The following KRTCAP2 variants were observed in gnomAD, a reference collection of about 807,000 sequenced individuals.
KRTCAP2 encodes the protein dolichyl-diphosphooligosaccharide--protein glycosyltransferase subunit KCP2.
A neutral mutation model predicts 16.5 loss-of-function variants in KRTCAP2; 10 were observed. The observed-to-expected ratio is 0.60, with a 90% CI of 0.37 to 1.02. The LOEUF is 1.02. Among genes scored for constraint, KRTCAP2 ranks in the 50% least tolerant of loss-of-function variants. The pLI, the probability that KRTCAP2 is intolerant of heterozygous loss-of-function variation, is 0.01. For missense variants in KRTCAP2, 152 were observed against 159.6 expected, an observed-to-expected ratio of 0.95 and a Z score of 0.26; for synonymous variants, 68 against 69.8, an observed-to-expected ratio of 0.97 and a Z score of 0.13.
At position 155,169,513 on chromosome 1, in the gene KRTCAP2, G is replaced by C. The variant is rs745987678; in HGVS notation, c.338C>G (p.Ser113Cys). The change falls in exon 5 of 5, where the codon TCC becomes TGC. Residue 113 changes from serine to cysteine, a missense_variant. By Grantham distance (112) the Ser-to-Cys change is moderately radical. Coordinates refer to ENST00000295682, the MANE Select transcript of KRTCAP2 (RefSeq NM_173852.4). ...TGGAGCTGCTGCCTGGTACAGGGTG[G>C]AGGAGATCTTGTTGATGTAGTACAG... ...VGLYYINKIS[S>C]TLYQAAAPVL... is the part of the protein sequence containing the mutation. The C allele has an allele frequency of 6.2e-7, 1 of 1,614,104 alleles. No homozygotes were observed. The highest frequency in any genetic ancestry group is 1.1e-5 in the South Asian group (1 of 91,082).
chr1:155,169,873 G>C lies in KRTCAP2; in HGVS notation c.224-16C>G. On this transcript the variant is annotated splice_polypyrimidine_tract_variant and intron_variant, in intron 3 of 4. Transcript: ENST00000295682. ...CACAGGAGAACTAGGGAGGCAAGAA[G>C]AACAAGGAGGGCAACGGTCAGAATG... is the stretch of plus-strand genomic sequence containing the variant. The C allele has an allele frequency of 6.4e-7, 1 of 1,554,334 alleles. No homozygotes were observed. The highest frequency in any genetic ancestry group is 8.8e-7 in the Non-Finnish European group (1 of 1,139,424).
At position 155,172,888 on chromosome 1, in the gene KRTCAP2, C is replaced by A. The variant is rs1307940513; in HGVS notation, c.9G>T (p.Val3=). 1 of 1,613,934 alleles carries A rather than the reference C, an allele frequency of 6.2e-7. No individual in the cohort carries two copies. Among genetic ancestry groups the A allele is most frequent in the African/African-American group, 1.3e-5 (1 of 75,054 alleles). The change falls in exon 2 of 5, where the codon GTG becomes GTT. Residue 3 remains valine (V), a synonymous_variant. Coordinates refer to ENST00000295682, the MANE Select transcript of KRTCAP2 (RefSeq NM_173852.4). ...AGAGCGCCAGCGAGGTGCCCGTACCCACCACTGGAGGGGATGGGAGAAGGG... is the reference window on the plus strand; with the variant it reads ...AGAGCGCCAGCGAGGTGCCCGTACCAACCACTGGAGGGGATGGGAGAAGGG... The part of the protein sequence containing the change: MV[V]GTGTSLALSS...
At chr1:155,169,923 A>G in intron 3 of KRTCAP2, 66 bp from the exon 4 acceptor site, 1 of 1,069,830 alleles carries the variant, frequency 9.3e-7, no homozygotes, top group Non-Finnish European at 1.4e-6. Context: ...CTGCACATGG[A>G]GTCCAGGAGA....
At chr1:155,171,868 AAG>A (rs1168365294) in intron 3 of KRTCAP2, 2 of 973,656 alleles carry the variant, frequency 2.1e-6, no homozygotes, top group Non-Finnish European at 2.4e-6. Flanking sequence ...AAAAAAAAAA[AAG>A]AGAAAAGATT....
chr1:155,171,712 G>T, intron 3 of KRTCAP2: 1 of 552,502 alleles, frequency 1.8e-6, no homozygotes, highest in Non-Finnish European at 2.3e-6. Context: ...TAAAACAGTA[G>T]CTGGGTGTGG....
intron 3 of KRTCAP2, chr1:155,170,095 C>T (rs1229581177): frequency 9.9e-6 from 4 of 404,438 alleles, no homozygotes; most frequent in East Asian, 9.4e-5. Context: ...CTGAGGTGGG[C>T]AGATCACTTG....
chr1:155,172,981 G>A (rs1043046961), intron 1 of KRTCAP2, 89 bp from the exon 2 acceptor site: 5 of 1,405,028 alleles, frequency 3.6e-6, no homozygotes, highest in Middle Eastern at 4.9e-4. Context: ...GAAGCTCGGT[G>A]GGCCGACCCC....
intron 1 of KRTCAP2, 106 bp downstream of exon 1, chr1:155,173,115 T>A: frequency 3.6e-6 from 4 of 1,116,748 alleles, no homozygotes. Context: ...CCGCTCCCGG[T>A]GGAACCCAGG....
At chr1:155,169,703 T>A in intron 4 of KRTCAP2, 88 bp downstream of exon 4, 1 of 1,368,814 alleles carries the variant, frequency 7.3e-7, no homozygotes, top group Non-Finnish European at 1.0e-6. Context: ...GAGGTAGGTG[T>A]GGAAGGAAAA....
chr1:155,172,285 T>C, intron 3 of KRTCAP2: 1 of 1,296,518 alleles, frequency 7.7e-7, no homozygotes, highest in Non-Finnish European at 9.9e-7. Flanking sequence ...AGCGAATAGA[T>C]GCAAAACATC....
At chr1:155,172,404 TACA>T in intron 3 of KRTCAP2, 158 bp downstream of exon 3, 1 of 1,480,796 alleles carries the variant, frequency 6.8e-7, no homozygotes, top group Non-Finnish European at 9.0e-7. Flanking sequence ...CCAGGAGCTA[TACA>T]AGGTGCAGAA....
chr1:155,171,866 AAAAG>A, intron 3 of KRTCAP2: 1 of 980,106 alleles, frequency 1.0e-6, no homozygotes, highest in Non-Finnish European at 1.2e-6. Flanking sequence ...AAAAAAAAAA[AAAAG>A]AGAAAAGATT....
intron 4 of KRTCAP2, 66 bp downstream of exon 4, chr1:155,169,725 A>G: frequency 1.4e-6 from 2 of 1,422,502 alleles, no homozygotes; most frequent in South Asian, 2.4e-5. Context: ...CTCTGGCACC[A>G]TCACAGTAAG....
Position 155,169,830 on chromosome 1 carries a change from AAG to A in KRTCAP2, c.249_250del (p.Phe84CysfsTer59). 1 of 1,595,862 alleles carries A rather than the reference AAG, an allele frequency of 6.3e-7. No homozygotes were observed. Reference sequence around the variant, plus strand: ...GACTCGGTGGATGAGGCCAGATGCAAAGAGAGCCAACAGGAGGCACAGGAGAA... The same window carrying A: ...GACTCGGTGGATGAGGCCAGATGCAAAGAGCCAACAGGAGGCACAGGAGAA... On this transcript the variant is annotated frameshift_variant, in exon 4 of 5. Coordinates refer to ENST00000295682, the MANE Select transcript of KRTCAP2 (RefSeq NM_173852.4). LOFTEE classifies it high-confidence loss of function.
At chr1:155,172,031 A>G (rs979362594) in intron 3 of KRTCAP2, 3 of 990,396 alleles carry the variant, frequency 3.0e-6, no homozygotes, top group Non-Finnish European at 3.6e-6. Flanking sequence ...TAAATAACTG[A>G]ATCATCAATT....
chr1:155,170,751 A>G (rs1374455218), intron 3 of KRTCAP2: 5 of 152,278 alleles, frequency 3.3e-5, no homozygotes, highest in Non-Finnish European at 7.3e-5. Context: ...GAGAGGGCAG[A>G]GAAGGCAAAG....
chr1:155,171,426 A>G (rs1665238236), intron 3 of KRTCAP2: 2 of 981,424 alleles, frequency 2.0e-6, no homozygotes, highest in Non-Finnish European at 2.4e-6. Flanking sequence ...CTCAAAAAAA[A>G]AAAAAAAAAG....
intron 3 of KRTCAP2, chr1:155,170,155 T>TAA (rs911532418): frequency 5.3e-4 from 96 of 181,962 alleles, no homozygotes; most frequent in South Asian, 1.4e-3. Context: ...ACCCATCTCT[T>TAA]AAAAAAAAAA....
At chr1:155,170,013 A>G (rs750183722) in intron 3 of KRTCAP2, 156 bp from the exon 4 acceptor site, 11 of 576,014 alleles carry the variant, frequency 1.9e-5, no homozygotes, top group Non-Finnish European at 2.9e-5. Context: ...GATTACCTTA[A>G]TGATACCCAG....
Sources: allele counts gnomAD v4.1 joint callset, GRCh38; gene constraint gnomAD v4.1.1; transcripts MANE v1.5; gene names NCBI Gene and HGNC (gene_info 2026-07-23, HGNC 2026-07-21).